The following FAM120B variants were observed in gnomAD, a reference collection of about 807,000 sequenced individuals.
FAM120B encodes constitutive coactivator of peroxisome proliferator-activated receptor gamma.
FAM120B carries 83 observed loss-of-function variants against 96.3 expected under a neutral mutation model. That is an observed-to-expected ratio of 0.86 (90% CI 0.72 to 1.03). FAM120B has a LOEUF of 1.03. Among genes scored for constraint, FAM120B ranks in the 50% least tolerant of loss-of-function variants. FAM120B has a pLI of 0.00. For synonymous variants in FAM120B, 407 were observed against 402.7 expected, an observed-to-expected ratio of 1.01 and a Z score of -0.13; for missense variants, 1,027 against 1,121.2, an observed-to-expected ratio of 0.92 and a Z score of 1.20.
chr6:170,394,472 C>T (rs907538518), intron 8 of FAM120B, among the ~76,000 whole-genome samples: 102 of 149,562 alleles, frequency 6.8e-4, no homozygotes, highest in Middle Eastern at 3.4e-3. Context: ...CACAAGGCCA[C>T]GCCTCCGTGG....
chr6:170,306,554 A>C (rs937849323), upstream of FAM120B: 1 of 152,234 alleles, frequency 6.6e-6, no homozygotes, highest in Non-Finnish European at 1.5e-5. Context: ...GTCCGCCAGC[A>C]CCAGAGCAGT....
At chr6:170,320,944 T>A (rs543206598) in intron 2 of FAM120B, among the ~76,000 whole-genome samples, 1 of 152,300 alleles carries the variant, frequency 6.6e-6, no homozygotes, top group South Asian at 2.1e-4. Flanking sequence ...ACATAGGGAC[T>A]TGGGTCAGTA....
chr6:170,365,714 TC>T (rs370260799), intron 6 of FAM120B, among the ~76,000 whole-genome samples: 1,512 of 66,900 alleles, frequency 0.023, 2 homozygotes, highest in Middle Eastern at 0.05. Context: ...CACCCCTCCC[TC>T]CCCCCCCTCC....
intron 1 of FAM120B, among the ~76,000 whole-genome samples, chr6:170,301,274 G>A (rs1170311617): frequency 6.6e-6 from 1 of 152,360 alleles, no homozygotes; most frequent in East Asian, 1.9e-4. Context: ...ACCCTCTGAA[G>A]CCACAGCCTG....
Position 170,391,015 on chromosome 6 carries a change from A to G in FAM120B, c.2493A>G (p.Arg831=), listed in dbSNP as rs745328861. The G allele has an allele frequency of 7.4e-6, 12 of 1,613,730 alleles. No homozygotes were observed. Among genetic ancestry groups the G allele is most frequent in the Non-Finnish European group, 1.0e-5 (12 of 1,179,870 alleles). The change falls in exon 8 of 11, where the codon AGA becomes AGG. Residue 831 remains arginine, a splice_region_variant and synonymous_variant. Transcript: ENST00000476287. ...YAVEVLLEQN[R]SRLTKFHNLK... ...ATTTGCATCTGGTCTGTTTGCAGAG[A>G]TCTCGGCTCACCAAATTCCACAACC... is the stretch of plus-strand genomic sequence containing the variant.
At chr6:170,382,484 C>G (rs577818281) in intron 6 of FAM120B, among the ~76,000 whole-genome samples, 1 of 152,312 alleles carries the variant, frequency 6.6e-6, no homozygotes, top group South Asian at 2.1e-4. Flanking sequence ...CCAAAAATCA[C>G]TTGCATTTCT....
Position 170,318,612 on chromosome 6 carries a change from G to C in FAM120B, c.1222G>C (p.Glu408Gln), listed in dbSNP as rs1362472850. 1 of 1,588,206 alleles carries C rather than the reference G, an allele frequency of 6.3e-7. No individual in the cohort carries two copies. Among genetic ancestry groups the C allele is most frequent in the African/African-American group, 1.3e-5 (1 of 74,544 alleles). Reference protein sequence around the residue: ...RREVPMCSDPEPRQEVPMCTG... With the variant: ...RREVPMCSDPQPRQEVPMCTG... ...AGAAGTTCCCATGTGTTCAGACCCT[G>C]AACCCAGGCAAGAAGTTCCCATGTG... is the stretch of plus-strand genomic sequence containing the variant. Residue 408 changes from glutamate to glutamine, a missense_variant, in exon 2 of 11, where the codon GAA becomes CAA. By Grantham distance (29) the Glu-to-Gln change is conservative. This residue lies in a region of FAM120B where 880 missense variants were observed against 980.9 expected (regional missense o/e 0.90). Coordinates refer to ENST00000476287, the MANE Select transcript of FAM120B (RefSeq NM_032448.3).
intron 2 of FAM120B, among the ~76,000 whole-genome samples, chr6:170,321,579 A>C (rs1785290032): frequency 6.6e-6 from 1 of 152,176 alleles, no homozygotes; most frequent in Admixed American, 6.5e-5. Context: ...GGGTTTCGCC[A>C]TGTTGCCCAG....
rs11966384 is a variant in FAM120B at position 170,341,098 on chromosome 6, C to T, written c.2018-7053C>T. 5.5e-3 allele frequency among the ~76,000 whole-genome samples: 841 copies of T among 152,370 alleles called. 7 individuals are homozygous for T. The highest frequency in any genetic ancestry group is 0.017 in the African/African-American group (717 of 41,592). ...GGAACGTTTAAGTCCACTGAAGCTG[C>T]ACCCACAGCAGCCCCCTTCCCCCAG... On this transcript the variant is annotated intron_variant, in intron 4 of 10. Coordinates refer to ENST00000476287, the MANE Select transcript of FAM120B (RefSeq NM_032448.3).
intron 6 of FAM120B, among the ~76,000 whole-genome samples, chr6:170,376,584 C>A (rs114726379): frequency 1.3e-5 from 2 of 152,094 alleles, no homozygotes; most frequent in Non-Finnish European, 2.9e-5. Context: ...AAGAAAAGAC[C>A]GGTAAGTACC....
intron 6 of FAM120B, among the ~76,000 whole-genome samples, chr6:170,383,188 A>T (rs560860936): frequency 8.5e-5 from 13 of 152,306 alleles, no homozygotes; most frequent in Admixed American, 8.5e-4. Flanking sequence ...TGTAAAACAT[A>T]AAACTATTAC....
intron 8 of FAM120B, among the ~76,000 whole-genome samples, chr6:170,392,199 G>A (rs1790515667): frequency 6.6e-6 from 1 of 152,082 alleles, no homozygotes; most frequent in African/African-American, 2.4e-5. Flanking sequence ...CTAAAAGTCT[G>A]GGGGTTTTTT....
rs142122896 is a variant in FAM120B at position 170,394,265 on chromosome 6, C to T, written c.2600-1222C>T. 2.3e-3 allele frequency among the ~76,000 whole-genome samples: 344 copies of T among 152,352 alleles called. 2 individuals carry two copies. Among genetic ancestry groups the T allele is most frequent in the Middle Eastern group, 0.014 (4 of 294 alleles). On this transcript the variant is annotated intron_variant, in intron 8 of 10. Transcript: ENST00000476287. ...TCAGCCTTAGAGACCACAGAGGCTG[C>T]TGAATGCCAGGCAAGTCGTGGCTTT...
intron 6 of FAM120B, among the ~76,000 whole-genome samples, chr6:170,373,991 T>G (rs1171298752): frequency 6.6e-6 from 1 of 152,100 alleles, no homozygotes; most frequent in Non-Finnish European, 1.5e-5. Flanking sequence ...CTGGATTGTT[T>G]ACACGGTGCT....
At chr6:170,362,543 A>G (rs1007521009) in intron 6 of FAM120B, among the ~76,000 whole-genome samples, 10 of 152,160 alleles carry the variant, frequency 6.6e-5, no homozygotes, top group African/African-American at 2.4e-4. Context: ...TTATTCTCTC[A>G]TTGAGCAGAG....
chr6:170,378,906 G>A (rs765171388), intron 6 of FAM120B, among the ~76,000 whole-genome samples: 1 of 152,270 alleles, frequency 6.6e-6, no homozygotes, highest in South Asian at 2.1e-4. Flanking sequence ...TCTGTGAGAA[G>A]AGCGTGCTAA....
intron 6 of FAM120B, among the ~76,000 whole-genome samples, chr6:170,387,646 A>G (rs1790261639): frequency 6.6e-6 from 1 of 152,206 alleles, no homozygotes; most frequent in African/African-American, 2.4e-5. Flanking sequence ...AATATTTCAT[A>G]TTGGTATGGT....
upstream of FAM120B, among the ~76,000 whole-genome samples, chr6:170,293,181 G>T (rs969430122): frequency 1.3e-5 from 2 of 152,140 alleles, no homozygotes; most frequent in Admixed American, 1.3e-4. Flanking sequence ...CTGGGGGCTG[G>T]GGGTGGGGGT....
chr6:170,295,445 AG>A lies in FAM120B; in HGVS notation c.42del (p.Lys15ArgfsTer12). 1 of 701,648 alleles carries A rather than the reference AG, an allele frequency of 1.4e-6. No individual in the cohort carries two copies. The highest frequency in any genetic ancestry group is 2.7e-5 in the East Asian group (1 of 37,218). The allele number at this position is 701,648 out of a possible 1,614,324, so 43.5% of individuals were successfully genotyped here. ...AGGCTCCACCAGCGCTGGCGCAGGC[AG>A]GAAGGAGGTGAGCGCCGCCCGCGTG... On this transcript the variant is annotated frameshift_variant, in exon 1 of 11. Coordinates refer to the FAM120B transcript ENST00000537664. LOFTEE classifies it high-confidence loss of function. This position sits in a 1 kb window ranked among gnomAD's most constrained non-coding sequence, Gnocchi z 7.8.
Sources: allele counts gnomAD v4.1 joint callset (sites outside exome capture counted in the v4.1 genomes callset), GRCh38; gene constraint gnomAD v4.1.1; regional missense constraint gnomAD v4.1.1; non-coding constraint Gnocchi (gnomAD v3.1); transcripts MANE v1.5; gene names NCBI Gene and HGNC (gene_info 2026-07-23, HGNC 2026-07-21).